RPL28: variants seen among roughly 807,000 people sequenced by gnomAD.
RPL28 encodes large ribosomal subunit protein eL28.
RPL28 carries 4 observed loss-of-function variants against 12.5 expected under a neutral mutation model. The ratio of observed to expected loss-of-function variants is 0.32; its 90% CI spans 0.16 to 0.73. The LOEUF (loss-of-function observed/expected upper bound fraction) is 0.73. RPL28 is among the 30% of genes least tolerant of loss of function. The pLI is 0.66. For synonymous variants in RPL28, 91 were observed against 72.5 expected, an observed-to-expected ratio of 1.26 and a Z score of -1.30; for missense variants, 214 against 197.7, an observed-to-expected ratio of 1.08 and a Z score of -0.49.
chr19:55,398,455 G>A (rs866555509), intron 4 of RPL28, among the ~76,000 whole-genome samples: 20 of 152,118 alleles, frequency 1.3e-4, no homozygotes, highest in South Asian at 2.1e-4. Flanking sequence ...CTAGTGCTCC[G>A]CCACCTTGCC....
chr19:55,391,042 G>C lies in RPL28; in HGVS notation c.*2710G>C, dbSNP rs73617888. On this transcript the variant is annotated 3_prime_UTR_variant, in exon 5 of 5. Transcript: ENST00000344063. Reference sequence around the variant, plus strand: ...AATGCTGAAAGCCAAAGACAAAATTGGGAGAACAAAAGAAAAGCGTCTTGT... The same window carrying C: ...AATGCTGAAAGCCAAAGACAAAATTCGGAGAACAAAAGAAAAGCGTCTTGT... 7.8e-3 allele frequency: 6,563 copies of C among 840,204 alleles called. 393 individuals carry two copies. The African/African-American group carries it at 0.11, about 14-fold the overall frequency. 52.0% of individuals were successfully genotyped at this position (840,204 alleles called of 1,614,324 possible). A position where few individuals can be genotyped will look rare whatever the true frequency, so the allele number is the denominator to read the frequency against.
Position 55,386,348 on chromosome 19 carries a change from A to T in RPL28, c.-8-2A>T. 6.2e-7 allele frequency: 1 copy of T among 1,613,532 alleles called. No individual in the cohort carries two copies. Among genetic ancestry groups the T allele is most frequent in the Non-Finnish European group, 8.5e-7 (1 of 1,179,862 alleles). On this transcript the variant is annotated splice_acceptor_variant, in intron 1 of 4. Transcript: ENST00000344063. LOFTEE classifies it low-confidence loss of function (5UTR_SPLICE). ...GCTTTCCCTGTGCCCGTTTCCCCGC[A>T]GCCGCCGCCATGTCTGCGCATCTGC...
downstream of RPL28, among the ~76,000 whole-genome samples, chr19:55,392,627 C>G (rs142092862): frequency 1.3e-5 from 2 of 151,700 alleles, no homozygotes; most frequent in African/African-American, 2.4e-5. Context: ...CCCAGGTTCA[C>G]GCCATTCTCC....
At chr19:55,386,726 C>T (rs1459170438) in intron 3 of RPL28, 33 bp downstream of exon 3, 4 of 1,612,564 alleles carry the variant, frequency 2.5e-6, no homozygotes, top group Non-Finnish European at 3.4e-6. Flanking sequence ...CAGAGAGCGG[C>T]CCCTTTCCCG....
At chr19:55,387,263 C>T in intron 3 of RPL28, 1 of 1,548,946 alleles carries the variant, frequency 6.5e-7, no homozygotes. Flanking sequence ...GTGTTCTTGA[C>T]AGGGCTGTAT....
chr19:55,399,555 C>G (rs191986896), intron 4 of RPL28, among the ~76,000 whole-genome samples: 27 of 152,260 alleles, frequency 1.8e-4, no homozygotes, highest in Non-Finnish European at 3.5e-4. Context: ...TTCAGCCCCT[C>G]TCTTCCCAGA....
At position 55,391,660 on chromosome 19, in the gene RPL28, G is replaced by A. The variant is rs901610446; in HGVS notation, c.*3328G>A. 33 of 1,545,440 alleles carry A rather than the reference G, an allele frequency of 2.1e-5. No homozygotes were observed. In the African/African-American group the frequency reaches 2.2e-4, roughly 10 times the overall value. On this transcript the variant is annotated 3_prime_UTR_variant, in exon 5 of 5. Coordinates refer to ENST00000344063, the MANE Select transcript of RPL28 (RefSeq NM_000991.5). ...CTTCGTACCCTCATCTGTAACATGC[G>A]TGTCGATAGACCCTACTACTCAGGG...
At position 55,401,339 on chromosome 19, in the gene RPL28, T is replaced by C. The variant is rs373350101; in HGVS notation, c.325-1604T>C. 1.8e-4 allele frequency: 183 copies of C among 1,005,348 alleles called. 1 individual carries two copies. The African/African-American group carries it at 2.5e-3, about 14-fold the overall frequency. The allele number at this position is 1,005,348 out of a possible 1,614,324, so 62.3% of individuals were successfully genotyped here. ...CCAGGTCCCAGTGCCCCCTGTACCC[T>C]CCCCGACCCCAGCCATAATTTAAAT... On this transcript the variant is annotated intron_variant, in intron 4 of 4. Coordinates refer to the RPL28 transcript ENST00000560055.
intron 4 of RPL28, chr19:55,399,662 C>T (rs960994026): frequency 6.6e-6 from 1 of 152,150 alleles, no homozygotes; most frequent in African/African-American, 2.4e-5. Context: ...CGCAGGGGCC[C>T]ATCACAGATG....
chr19:55,401,357 A>C, intron 4 of RPL28: 1 of 1,036,086 alleles, frequency 9.7e-7, no homozygotes, highest in Non-Finnish European at 1.4e-6. Flanking sequence ...CCCAGCCATA[A>C]TTTAAATAAC....
In RPL28 at chr19:55,386,677, C is replaced by T. The variant is rs567819462; in HGVS notation, c.189C>T (p.Val63=). ...PAADGKGVVV[V]IKRRSGQRKP... ...CCGACGGCAAAGGTGTCGTGGTGGT[C>T]ATTAAGCGGAGATCCGGTGAGTTTT... The change falls in exon 3 of 5, where the codon GTC becomes GTT. Residue 63 remains valine (V), a synonymous_variant. Transcript: ENST00000344063. 3.1e-6 allele frequency: 5 copies of T among 1,614,158 alleles called. No individual in the cohort carries two copies. The African/African-American group carries it at 5.3e-5, about 17-fold the overall frequency.
In RPL28 at chr19:55,391,288, TG is replaced by T; in HGVS notation, c.*2960del. 2.0e-6 allele frequency: 1 copy of T among 498,632 alleles called. No individual in the cohort carries two copies. Among genetic ancestry groups the T allele is most frequent in the Non-Finnish European group, 3.0e-6 (1 of 338,910 alleles). The allele number at this position is 498,632 out of a possible 1,614,324, so 30.9% of individuals were successfully genotyped here. A position where few individuals can be genotyped will look rare whatever the true frequency, so the allele number is the denominator to read the frequency against. On this transcript the variant is annotated 3_prime_UTR_variant, in exon 5 of 5. Coordinates refer to ENST00000344063, the MANE Select transcript of RPL28 (RefSeq NM_000991.5). ...CAGCTCTGCCAGTTATGCCCAGCTG[TG>T]GGGACTTGGGCAGCTCGTTTAGTAG...
chr19:55,398,012 A>G (rs2090034913), intron 4 of RPL28, among the ~76,000 whole-genome samples: 2 of 152,022 alleles, frequency 1.3e-5, no homozygotes, highest in South Asian at 4.1e-4. Flanking sequence ...CCTGGCCAAC[A>G]TGGTGAAACC....
At chr19:55,403,041 C>G (rs560605736) in exon 5 of RPL28, 223 of 1,463,880 alleles carry the variant, frequency 1.5e-4, no homozygotes, top group East Asian at 2.5e-5. Flanking sequence ...CCAGGTCATT[C>G]TGTGTCATGG....
Position 55,388,868 on chromosome 19 carries a change from G to A in RPL28, c.*536G>A. 1.0e-6 allele frequency: 1 copy of A among 986,138 alleles called. No individual in the cohort carries two copies. 61.1% of individuals were successfully genotyped at this position (986,138 alleles called of 1,614,324 possible). A position where few individuals can be genotyped will look rare whatever the true frequency, so the allele number is the denominator to read the frequency against. The stretch of plus-strand genomic sequence containing the variant: ...TTACTTGATGCAACCTCATCTCTGA[G>A]ATGGGCAACTTGGTGGGTGGTGGCT... On this transcript the variant is annotated 3_prime_UTR_variant, in exon 5 of 5. Transcript: ENST00000344063.
downstream of RPL28, among the ~76,000 whole-genome samples, chr19:55,395,678 T>G (rs539343691): frequency 4.1e-5 from 6 of 145,514 alleles, no homozygotes; most frequent in African/African-American, 1.3e-4. Context: ...CTCCTGACCT[T>G]GTGATCTGCC....
Position 55,389,399 on chromosome 19 carries a change from T to A in RPL28, c.*1067T>A, listed in dbSNP as rs995497718. 2.0e-5 allele frequency: 20 copies of A among 985,178 alleles called. No homozygotes were observed. The highest frequency in any genetic ancestry group is 2.4e-5 in the Non-Finnish European group (20 of 829,772). 61.0% of individuals were successfully genotyped at this position (985,178 alleles called of 1,614,324 possible). ...AAGAGTCCTGCTGTTGATCCTCACATGTTTCCTGGGCACCTAACTCTGTCA... is the reference window on the plus strand; with the variant it reads ...AAGAGTCCTGCTGTTGATCCTCACAAGTTTCCTGGGCACCTAACTCTGTCA... On this transcript the variant is annotated 3_prime_UTR_variant, in exon 5 of 5. Transcript: ENST00000344063.
chr19:55,388,920 C>A lies in RPL28; in HGVS notation c.*588C>A. ...ATAACTGTAAGGGAGATGGCAGCCCCAGGGTACAGCCAGCAGGCATTGAGC... is the reference window on the plus strand; with the variant it reads ...ATAACTGTAAGGGAGATGGCAGCCCAAGGGTACAGCCAGCAGGCATTGAGC... On this transcript the variant is annotated 3_prime_UTR_variant, in exon 5 of 5. Transcript: ENST00000344063. 1 of 985,540 alleles carries A rather than the reference C, an allele frequency of 1.0e-6. No homozygotes were observed. 61.0% of individuals were successfully genotyped at this position (985,540 alleles called of 1,614,324 possible). A position where few individuals can be genotyped will look rare whatever the true frequency, so the allele number is the denominator to read the frequency against.
rs369967704 is a variant in RPL28, at chr19:55,391,657, T to C, written c.*3325T>C. On this transcript the variant is annotated 3_prime_UTR_variant, in exon 5 of 5. Coordinates refer to ENST00000344063, the MANE Select transcript of RPL28 (RefSeq NM_000991.5). ...TGTCTTCGTACCCTCATCTGTAACA[T>C]GCGTGTCGATAGACCCTACTACTCA... 80 of 1,545,786 alleles carry C rather than the reference T, an allele frequency of 5.2e-5. No homozygotes were observed. In the African/African-American group the frequency reaches 1.0e-3, roughly 20 times the overall value.
Sources: gnomAD v4.1 joint callset for allele counts (sites outside exome capture counted in the v4.1 genomes callset) on GRCh38, gnomAD v4.1.1 for gene constraint, MANE v1.5 for transcripts, NCBI Gene and HGNC (gene_info 2026-07-23, HGNC 2026-07-21) for gene names.